Variants in P3H1 observed in about 807,000 individuals in gnomAD.
P3H1 encodes the protein growth suppressor 1.
Under a neutral mutation model 84.0 loss-of-function variants are expected in P3H1, and 69 were observed. The observed-to-expected ratio is 0.82, with a 90% CI of 0.68 to 1.00. The LOEUF (loss-of-function observed/expected upper bound fraction) is 1.00. P3H1 is among the 50% of genes least tolerant of loss of function. The pLI is 0.00. For missense variants in P3H1, 878 were observed against 962.8 expected, an observed-to-expected ratio of 0.91 and a Z score of 1.17; for synonymous variants, 366 against 388.8, an observed-to-expected ratio of 0.94 and a Z score of 0.69.
chr1:42,763,223 A>G (rs754251622), intron 1 of P3H1, among the ~76,000 whole-genome samples: 13 of 152,174 alleles, frequency 8.5e-5, no homozygotes, highest in Non-Finnish European at 1.6e-4. Context: ...CCTAGAAAAA[A>G]ATTTTTTTTT....
At position 42,746,784 on chromosome 1, in the gene P3H1, C is replaced by T; in HGVS notation, c.2124G>A (p.Glu708=). The change falls in exon 15 of 15, where the codon GAG becomes GAA. Residue 708 remains glutamate (E), a synonymous_variant. Transcript: ENST00000296388. ...FSPEEMDLSQ[E]QPLDAQQGPP... ...GGCCCTGCTGGGCATCCAGGGGCTG[C>T]TCCTGGGAGAGGTCCATCTCTTCTG... The T allele has an allele frequency of 3.2e-6, 5 of 1,572,516 alleles. No homozygotes were observed. The highest frequency in any genetic ancestry group is 3.5e-6 in the Non-Finnish European group (4 of 1,158,794).
At chr1:42,761,878 C>T in intron 2 of P3H1, 1 of 206,392 alleles carries the variant, frequency 4.8e-6, no homozygotes, top group Non-Finnish European at 9.8e-6. Context: ...AAAGTGAGAC[C>T]CTGCCTCAAA....
Position 42,752,638 on chromosome 1 carries a change from T to G in P3H1, c.1372A>C (p.Ser458Arg), listed in dbSNP as rs1184737345. The change falls in exon 9 of 15, where the codon AGT becomes CGT. Residue 458 changes from serine to arginine, a missense_variant. Physicochemically the swap from Ser to Arg is moderately radical, Grantham distance 110 (BLOSUM62 -1). Coordinates refer to ENST00000296388, the MANE Select transcript of P3H1 (RefSeq NM_022356.4). Reference sequence around the variant, plus strand: ...AGGAGTTTGGAGTTCATGGTGAGACTGATGCCTTCATACAGCAGGGGGCCA... The same window carrying G: ...AGGAGTTTGGAGTTCATGGTGAGACGGATGCCTTCATACAGCAGGGGGCCA... ...EGGPLLYEGI[S>R]LTMNSKLLNG... 6.2e-7 allele frequency: 1 copy of G among 1,614,204 alleles called. No individual in the cohort carries two copies. Among genetic ancestry groups the G allele is most frequent in the East Asian group, 2.2e-5 (1 of 44,884 alleles).
At chr1:42,759,121 A>G (rs1187227915) in intron 3 of P3H1, 80 bp downstream of exon 3, 3 of 1,566,946 alleles carry the variant, frequency 1.9e-6, no homozygotes, top group Non-Finnish European at 2.6e-6. Context: ...GAGGGTGAAG[A>G]GTCCCCATTT....
rs1376137519 is a variant in P3H1, at chr1:42,766,666, G to A, written c.306C>T (p.Ala102=). 5 of 1,537,294 alleles carry A rather than the reference G, an allele frequency of 3.3e-6. No individual in the cohort carries two copies. In the Admixed American group the frequency reaches 1.0e-4, roughly 32 times the overall value. The change falls in exon 1 of 15, where the codon GCC becomes GCT. Residue 102 remains alanine (A), a synonymous_variant. Transcript: ENST00000296388. ...CGAAGAAGCTCAGGTCGCGCAGGGC[G>A]GCGGCGCCCGAGGCCTGGGCCGGGC... ...SPSPAQASGA[A]ALRDLSFFGG...
In P3H1 at chr1:42,750,331, C is replaced by A. The variant is rs1651966327; in HGVS notation, c.1575G>T (p.Gly525=). The A allele has an allele frequency of 6.2e-7, 1 of 1,614,012 alleles. No homozygotes were observed. The highest frequency in any genetic ancestry group is 8.5e-7 in the Non-Finnish European group (1 of 1,179,990). The change falls in exon 11 of 15, where the codon GGG becomes GGT. Residue 525 remains glycine, a synonymous_variant. Coordinates refer to ENST00000296388, the MANE Select transcript of P3H1 (RefSeq NM_022356.4). The part of the protein sequence containing the change: ...GVTVFKALKL[G]QEGKVPLQSA... Reference sequence around the variant, plus strand: ...TCTGCAGAGGAACTTTGCCTTCTTGCCCCAGCTGCCAAGGAGACAGATGGT... The same window carrying A: ...TCTGCAGAGGAACTTTGCCTTCTTGACCCAGCTGCCAAGGAGACAGATGGT...
intron 4 of P3H1, among the ~76,000 whole-genome samples, 192 bp from the exon 5 acceptor site, chr1:42,758,114 T>A (rs1378317648): frequency 6.6e-6 from 1 of 152,188 alleles, no homozygotes; most frequent in Non-Finnish European, 1.5e-5. Flanking sequence ...ATAGAATGTG[T>A]GATTAATTTT....
chr1:42,758,179 C>G (rs1652505921), intron 4 of P3H1, among the ~76,000 whole-genome samples: 1 of 152,210 alleles, frequency 6.6e-6, no homozygotes, highest in African/African-American at 2.4e-5. Flanking sequence ...AGAAAAGAAT[C>G]AGAATTCTCT....
chr1:42,747,682 G>C, intron 13 of P3H1, 41 bp downstream of exon 13: 1 of 1,605,566 alleles, frequency 6.2e-7, no homozygotes, highest in Non-Finnish European at 8.5e-7. Context: ...GTAGAAAACA[G>C]ACTTTTTATC....
rs754496625 is a variant in P3H1, at chr1:42,762,336, G to T, written c.605C>A (p.Thr202Asn). 4.3e-6 allele frequency: 7 copies of T among 1,614,062 alleles called. No individual in the cohort carries two copies. The stretch of plus-strand genomic sequence containing the variant: ...AGTTTTTTTCACCATATGGGGTTGA[G>T]TCTCAAGATCCTTGAAGTCGGCCTC... Reference protein sequence around the residue: ...VKEADFKDLETQPHMQEFRLG... With the variant: ...VKEADFKDLENQPHMQEFRLG... The change falls in exon 2 of 15, where the codon ACT (threonine) becomes AAT (asparagine). Residue 202 changes from threonine to asparagine, a missense_variant. Coordinates refer to ENST00000296388, the MANE Select transcript of P3H1 (RefSeq NM_022356.4).
At chr1:42,746,929 G>A (rs1651748401) in intron 14 of P3H1, 77 bp from the exon 15 acceptor site, 4 of 1,614,050 alleles carry the variant, frequency 2.5e-6, no homozygotes, top group South Asian at 1.1e-5. Flanking sequence ...CTACTTCCCA[G>A]GGGACAAGGA....
At position 42,750,171 on chromosome 1, in the gene P3H1, G is replaced by A; in HGVS notation, c.1720+15C>T. 3 of 1,610,870 alleles carry A rather than the reference G, an allele frequency of 1.9e-6. No individual in the cohort carries two copies. Among genetic ancestry groups the A allele is most frequent in the Non-Finnish European group, 2.5e-6 (3 of 1,178,718 alleles). ...AGCATGCGGGGGCGGGTGCTGCAGGGGTAATGAGGCCCACCTTCGATGGCA... is the reference window on the plus strand; with the variant it reads ...AGCATGCGGGGGCGGGTGCTGCAGGAGTAATGAGGCCCACCTTCGATGGCA... On this transcript the variant is annotated intron_variant, in intron 11 of 14. Transcript: ENST00000296388.
chr1:42,746,977 CAGGT>C lies in P3H1; in HGVS notation c.2056-129_2056-126del, dbSNP rs1177478068. The C allele has an allele frequency of 5.0e-6, 8 of 1,614,198 alleles. No individual in the cohort carries two copies. The South Asian group carries it at 7.7e-5, about 16-fold the overall frequency. On this transcript the variant is annotated intron_variant, in intron 14 of 14. Transcript: ENST00000296388. ...GGCCCCAGGCTCATCTCCTTCCCAG[CAGGT>C]CCTACTCTCTGGAAAAGGACAGCTG...
At position 42,758,994 on chromosome 1, in the gene P3H1, T is replaced by C; in HGVS notation, c.809-11A>G. On this transcript the variant is annotated splice_polypyrimidine_tract_variant and intron_variant, in intron 3 of 14. Coordinates refer to ENST00000296388, the MANE Select transcript of P3H1 (RefSeq NM_022356.4). The stretch of plus-strand genomic sequence containing the variant: ...CCTGGATGTAATGATCTGAAAGGAA[T>C]CAAACAGAAGGAATAACTATGAGGT... The C allele has an allele frequency of 1.9e-6, 3 of 1,614,052 alleles. No homozygotes were observed. Among genetic ancestry groups the C allele is most frequent in the Non-Finnish European group, 1.7e-6 (2 of 1,179,960 alleles).
In P3H1 at chr1:42,766,896, A is replaced by C; in HGVS notation, c.76T>G (p.Ser26Ala). 1 of 1,608,870 alleles carries C rather than the reference A, an allele frequency of 6.2e-7. No individual in the cohort carries two copies. ...VAAASQAEVE[S>A]EAGWGMVTPD... ...GTCACCATGCCCCATCCTGCCTCGG[A>C]CTCGACCTCGGCTTGGGAGGCAGCG... is the stretch of plus-strand genomic sequence containing the variant. Residue 26 changes from serine to alanine, a missense_variant, in exon 1 of 15, where the codon TCC (serine) becomes GCC (alanine). By Grantham distance (99) the Ser-to-Ala change is moderately conservative. Coordinates refer to ENST00000296388, the MANE Select transcript of P3H1 (RefSeq NM_022356.4).
At chr1:42,749,117 A>G (rs1289319129) in intron 11 of P3H1, among the ~76,000 whole-genome samples, 1 of 152,252 alleles carries the variant, frequency 6.6e-6, no homozygotes, top group Non-Finnish European at 1.5e-5. Flanking sequence ...ACACAGCAGC[A>G]AAATGAATCC....
chr1:42,766,434 A>T (rs1439280202), intron 1 of P3H1, 73 bp downstream of exon 1: 1 of 1,338,808 alleles, frequency 7.5e-7, no homozygotes, highest in Non-Finnish European at 1.0e-6. Context: ...CGATCCCCCA[A>T]GCTCCTCAGG....
At chr1:42,747,853 A>G (rs963430355) in intron 12 of P3H1, 55 bp from the exon 13 acceptor site, 66 of 1,534,302 alleles carry the variant, frequency 4.3e-5, no homozygotes, top group Middle Eastern at 1.7e-4. Context: ...CTTTCCCCTG[A>G]GCCTTCACCT....
At chr1:42,751,625 A>G (rs1327778464) in intron 10 of P3H1, 1 of 155,450 alleles carries the variant, frequency 6.4e-6, no homozygotes, top group East Asian at 1.9e-4. Context: ...TAAAAAATAA[A>G]AAAATGGGAG....
Sources: allele counts gnomAD v4.1 joint callset (sites outside exome capture counted in the v4.1 genomes callset), GRCh38; gene constraint gnomAD v4.1.1; transcripts MANE v1.5; gene names NCBI Gene and HGNC (gene_info 2026-07-23, HGNC 2026-07-21).